The following CAMK4 variants were observed in gnomAD, a reference collection of about 807,000 sequenced individuals.
The protein encoded by CAMK4 is calcium/calmodulin dependent protein kinase IV, also known as calcium/calmodulin-dependent protein kinase type IV.
In CAMK4, 22 loss-of-function variants were observed where a neutral mutation model predicts 44.9. The observed-to-expected ratio is 0.49, with a 90% CI of 0.35 to 0.70. The LOEUF is 0.70. CAMK4 is among the 30% of genes least tolerant of loss of function. The pLI, the probability that CAMK4 is intolerant of heterozygous loss-of-function variation, is 0.01. For missense variants in CAMK4, 498 were observed against 586.8 expected (o/e 0.85, Z 1.56); for synonymous variants, 218 against 215.4 (o/e 1.01, Z -0.11).
At chr5:111,242,294 G>C (rs57676414) in intron 1 of CAMK4, among the ~76,000 whole-genome samples, 29,891 of 152,016 alleles carry the variant, frequency 0.2, 3,744 homozygotes, top group Non-Finnish European at 0.28. Flanking sequence ...GTCTTTGAAG[G>C]GGTATAATAA....
intron 7 of CAMK4, among the ~76,000 whole-genome samples, chr5:111,450,790 A>G (rs1485850104): frequency 6.6e-6 from 1 of 151,200 alleles, no homozygotes; most frequent in Non-Finnish European, 1.5e-5. Context: ...CTCCATCTCA[A>G]AAATAAAAGG....
intron 2 of CAMK4, among the ~76,000 whole-genome samples, chr5:111,361,637 C>G (rs981206898): frequency 1.3e-5 from 2 of 151,972 alleles, no homozygotes; most frequent in African/African-American, 4.8e-5. Flanking sequence ...TTATGGTCAA[C>G]TTAGATGTGA....
rs60572721 is a variant in CAMK4 at position 111,342,562 on chromosome 5, A to ATT, written c.162-1454_162-1453dup. 2.9e-3 allele frequency among the ~76,000 whole-genome samples: 433 copies of ATT among 150,156 alleles called. 1 individual carries two copies. Among genetic ancestry groups the ATT allele is most frequent in the Non-Finnish European group, 3.2e-3 (216 of 67,158 alleles). On this transcript the variant is annotated intron_variant, in intron 1 of 10. Coordinates refer to ENST00000282356, the MANE Select transcript of CAMK4 (RefSeq NM_001744.6). ...GTACACAGCATATAGTTTGGTGTTG[A>ATT]TTTTTTTTTATCCAATCTGCTCTTT...
intron 1 of CAMK4, among the ~76,000 whole-genome samples, chr5:111,329,060 A>G (rs1378622226): frequency 1.3e-5 from 2 of 152,122 alleles, no homozygotes; most frequent in African/African-American, 4.8e-5. Context: ...CTGGGTTGCA[A>G]GGCTGGTTCA....
intron 6 of CAMK4, among the ~76,000 whole-genome samples, 156 bp from the exon 7 acceptor site, chr5:111,448,973 C>G (rs1202788250): frequency 1.3e-5 from 2 of 152,168 alleles, no homozygotes; most frequent in Admixed American, 1.3e-4. Flanking sequence ...TCTTTAGCTT[C>G]CTGTTGGGTG....
intron 1 of CAMK4, among the ~76,000 whole-genome samples, chr5:111,229,859 T>A (rs1386557067): frequency 2.0e-5 from 3 of 152,204 alleles, no homozygotes; most frequent in African/African-American, 7.2e-5. Context: ...GAATAAAAAC[T>A]GGGGCTTCAT....
chr5:111,357,754 G>A (rs764287594), intron 2 of CAMK4, among the ~76,000 whole-genome samples: 2 of 151,996 alleles, frequency 1.3e-5, no homozygotes, highest in Admixed American at 6.6e-5. Flanking sequence ...TCACTTTAAC[G>A]GTAAAGGAGC....
At chr5:111,342,719 A>T (rs1749695442) in intron 1 of CAMK4, among the ~76,000 whole-genome samples, 1 of 151,532 alleles carries the variant, frequency 6.6e-6, no homozygotes, top group South Asian at 2.1e-4. Context: ...TCCATTCTTG[A>T]ATATTTCATT....
intron 5 of CAMK4, among the ~76,000 whole-genome samples, chr5:111,414,276 T>C (rs1752734099): frequency 6.6e-6 from 1 of 152,204 alleles, no homozygotes; most frequent in Non-Finnish European, 1.5e-5. Context: ...TTTGTACCAG[T>C]AGATTCTGGC....
chr5:111,359,027 G>T (rs1750492501), intron 2 of CAMK4, among the ~76,000 whole-genome samples: 1 of 152,130 alleles, frequency 6.6e-6, no homozygotes, highest in Non-Finnish European at 1.5e-5. Flanking sequence ...GAACAGTGCT[G>T]CAGTGAACAT....
chr5:111,224,471 T>G lies in CAMK4; in HGVS notation c.-13T>G. The G allele has an allele frequency of 6.3e-7, 1 of 1,584,200 alleles. No homozygotes were observed. The highest frequency in any genetic ancestry group is 1.1e-5 in the South Asian group (1 of 88,330). On this transcript the variant is annotated 5_prime_UTR_variant, in exon 1 of 11. Transcript: ENST00000282356. This position sits in a 1 kb window ranked among gnomAD's most constrained non-coding sequence, Gnocchi z 5.7. Reference sequence around the variant, plus strand: ...GCGGCGGCGGCGGCGGCTTCCGGAGTCCCGCTGCGAAGATGCTCAAAGTCA... The same window carrying G: ...GCGGCGGCGGCGGCGGCTTCCGGAGGCCCGCTGCGAAGATGCTCAAAGTCA...
chr5:111,385,138 TA>T (rs1484482683), intron 4 of CAMK4, among the ~76,000 whole-genome samples: 2 of 151,900 alleles, frequency 1.3e-5, no homozygotes, highest in East Asian at 3.9e-4. Context: ...GGCTAGGAAA[TA>T]AAAAGAAATA....
At chr5:111,380,352 T>G (rs553422150) in intron 4 of CAMK4, among the ~76,000 whole-genome samples, 1 of 152,270 alleles carries the variant, frequency 6.6e-6, no homozygotes, top group South Asian at 2.1e-4. Flanking sequence ...CTAAAGAATT[T>G]TATTTTTATT....
At chr5:111,451,393 G>A (rs1393903296) in intron 7 of CAMK4, among the ~76,000 whole-genome samples, 1 of 151,852 alleles carries the variant, frequency 6.6e-6, no homozygotes. Flanking sequence ...TGCCTCCCGG[G>A]TTCAATTGAT....
intron 1 of CAMK4, among the ~76,000 whole-genome samples, chr5:111,320,337 A>G (rs73786897): frequency 0.042 from 6,449 of 152,194 alleles, 475 homozygotes; most frequent in African/African-American, 0.15. Flanking sequence ...CAGTAGTACA[A>G]TGGAGGAGGA....
intron 4 of CAMK4, among the ~76,000 whole-genome samples, chr5:111,393,873 GT>G (rs5870448): frequency 0.49 from 69,289 of 141,724 alleles, 16,444 homozygotes; most frequent in East Asian, 0.67. Context: ...AAAGTTTTGT[GT>G]TTTTTTTTTT....
At chr5:111,454,647 C>CAAAAAAAAAA (rs66917170) in intron 7 of CAMK4, among the ~76,000 whole-genome samples, 17 of 114,400 alleles carry the variant, frequency 1.5e-4, no homozygotes, top group East Asian at 2.6e-4. Context: ...GTCACACAGA[C>CAAAAAAAAAA]AAAAAAAAAA....
Position 111,224,806 on chromosome 5 carries a change from T to G in CAMK4, c.161+162T>G, listed in dbSNP as rs1580446169. 1.3e-5 allele frequency among the ~76,000 whole-genome samples: 2 copies of G among 152,038 alleles called. No homozygotes were observed. The highest frequency in any genetic ancestry group is 2.9e-5 in the Non-Finnish European group (2 of 67,992). ...GAGCTAACCTTCATTCAGGTGCGGC[T>G]CGAGTCCTTCCCACCCCACCAGAGC... is the stretch of plus-strand genomic sequence containing the variant. On this transcript the variant is annotated intron_variant, in intron 1 of 10. Transcript: ENST00000282356. This position sits in a 1 kb window ranked among gnomAD's most constrained non-coding sequence, Gnocchi z 5.7.
chr5:111,326,707 AT>A (rs1748906198), intron 1 of CAMK4, among the ~76,000 whole-genome samples: 1 of 151,788 alleles, frequency 6.6e-6, no homozygotes, highest in Non-Finnish European at 1.5e-5. Flanking sequence ...ACAAAGAAAC[AT>A]TCTGTGAATG....
Sources: gnomAD v4.1 joint callset for allele counts (sites outside exome capture counted in the v4.1 genomes callset) on GRCh38, gnomAD v4.1.1 for gene constraint, Gnocchi (gnomAD v3.1) non-coding constraint, MANE v1.5 for transcripts, NCBI Gene and HGNC (gene_info 2026-07-23, HGNC 2026-07-21) for gene names.